Variants in NIPSNAP1 observed in about 807,000 individuals in gnomAD.
NIPSNAP1 encodes protein NipSnap homolog 1.
NIPSNAP1 carries 25 observed loss-of-function variants against 49.2 expected under a neutral mutation model. The ratio of observed to expected loss-of-function variants is 0.51; its 90% CI spans 0.37 to 0.71. NIPSNAP1 has a LOEUF of 0.71. Among genes scored for constraint, NIPSNAP1 ranks in the 30% least tolerant of loss-of-function variants. The pLI, the probability that NIPSNAP1 is intolerant of heterozygous loss-of-function variation, is 0.00. For missense variants in NIPSNAP1, 294 were observed against 361.0 expected (o/e 0.81, Z 1.50); for synonymous variants, 143 against 140.7 (o/e 1.02, Z -0.12).
Position 29,555,971 on chromosome 22 carries a change from C to G in NIPSNAP1, c.819G>C (p.Arg273Ser), listed in dbSNP as rs1261193383. The change falls in exon 10 of 10, where the codon AGG (arginine) becomes AGC (serine). Residue 273 changes from arginine (R) to serine (S), a missense_variant. Physicochemically the swap from Arg to Ser is moderately radical, Grantham distance 110 (BLOSUM62 -1). Coordinates refer to ENST00000216121, the MANE Select transcript of NIPSNAP1 (RefSeq NM_003634.4). ...TVPLVRHMES[R>S]IMIPLKISPL... ...GCGAGATCTTCAAGGGGATCATGATCCTAGACTCCATGTGTCGCACCAGGG... is the reference window on the plus strand; with the variant it reads ...GCGAGATCTTCAAGGGGATCATGATGCTAGACTCCATGTGTCGCACCAGGG... 11 of 1,551,634 alleles carry G rather than the reference C, an allele frequency of 7.1e-6. No individual in the cohort carries two copies. Among genetic ancestry groups the G allele is most frequent in the Admixed American group, 5.9e-5 (3 of 50,970 alleles).
chr22:29,575,722 T>A (rs1190391397), intron 1 of NIPSNAP1, among the ~76,000 whole-genome samples: 1 of 134,570 alleles, frequency 7.4e-6, no homozygotes, highest in African/African-American at 2.7e-5. Context: ...TTTTTTTTTT[T>A]TGTTTTGTTT....
chr22:29,575,046 C>T (rs751811847), intron 1 of NIPSNAP1, among the ~76,000 whole-genome samples: 23 of 152,174 alleles, frequency 1.5e-4, no homozygotes, highest in Non-Finnish European at 2.2e-4. Context: ...AAGAACCCAG[C>T]GCTCTTTCCT....
chr22:29,580,352 A>G, intron 1 of NIPSNAP1: 1 of 842,066 alleles, frequency 1.2e-6, no homozygotes, highest in African/African-American at 1.8e-5. Flanking sequence ...ACAAAAGCCC[A>G]GGCTGAGAGC....
At chr22:29,560,889 G>T in intron 7 of NIPSNAP1, 61 bp from the exon 8 acceptor site, 1 of 1,491,684 alleles carries the variant, frequency 6.7e-7, no homozygotes, top group Non-Finnish European at 9.3e-7. Context: ...TACTGAGGCT[G>T]ATTCCTTGGC....
intron 6 of NIPSNAP1, 85 bp downstream of exon 6, chr22:29,561,412 GCCAGAAGCC>G: frequency 6.4e-7 from 1 of 1,571,120 alleles, no homozygotes; most frequent in Non-Finnish European, 8.7e-7. Flanking sequence ...GGAGGGAGAA[GCCAGAAGCC>G]CCAGTCTAGG....
chr22:29,558,625 G>T lies in NIPSNAP1; in HGVS notation c.790+245C>A, dbSNP rs369786103. 3.3e-5 allele frequency among the ~76,000 whole-genome samples: 5 copies of T among 152,222 alleles called. 1 individual carries two copies. Among genetic ancestry groups the T allele is most frequent in the African/African-American group, 9.6e-5 (4 of 41,534 alleles). ...AACCGTGCCCAAGGTCACAATGGGC[G>T]TTTGCTAATCCACATCTCCTAGGCA... On this transcript the variant is annotated intron_variant, in intron 9 of 9. Transcript: ENST00000216121.
chr22:29,579,946 C>T (rs1180015134), intron 1 of NIPSNAP1: 6 of 570,000 alleles, frequency 1.1e-5, no homozygotes, highest in African/African-American at 1.9e-5. Flanking sequence ...TGCCACTCCT[C>T]TTTCCCAGCT....
At chr22:29,577,156 A>G (rs1203765691) in intron 1 of NIPSNAP1, among the ~76,000 whole-genome samples, 2 of 146,192 alleles carry the variant, frequency 1.4e-5, no homozygotes, top group East Asian at 4.1e-4. Context: ...TGACACAATC[A>G]TGGCTCACTG....
intron 1 of NIPSNAP1, among the ~76,000 whole-genome samples, chr22:29,575,234 G>C (rs1312761219): frequency 6.6e-6 from 1 of 152,166 alleles, no homozygotes; most frequent in Non-Finnish European, 1.5e-5. Context: ...CATCAGCACT[G>C]ACCAAGATAA....
chr22:29,560,601 C>T (rs2064328443), intron 8 of NIPSNAP1, 133 bp downstream of exon 8: 1 of 788,614 alleles, frequency 1.3e-6, no homozygotes, highest in South Asian at 1.4e-5. Context: ...CTTTTTGTGA[C>T]TTTACATCTA....
chr22:29,573,489 C>T (rs1301357174), intron 1 of NIPSNAP1, among the ~76,000 whole-genome samples: 1 of 152,106 alleles, frequency 6.6e-6, no homozygotes. Context: ...AAAAAAATTG[C>T]TGGGTACGGT....
At chr22:29,571,437 AT>A (rs1301054561) in intron 1 of NIPSNAP1, among the ~76,000 whole-genome samples, 6 of 152,220 alleles carry the variant, frequency 3.9e-5, no homozygotes, top group Non-Finnish European at 8.8e-5. Flanking sequence ...AATGAATATG[AT>A]TATGTGCTTT....
At chr22:29,572,217 T>G (rs1474522667) in intron 1 of NIPSNAP1, among the ~76,000 whole-genome samples, 3 of 146,926 alleles carry the variant, frequency 2.0e-5, no homozygotes, top group East Asian at 4.1e-4. Flanking sequence ...GCAGGAGAAT[T>G]GCTTGAACCT....
rs542128232 is a variant in NIPSNAP1 at position 29,564,040 on chromosome 22, G to A, written c.368-2178C>T. Among the ~76,000 whole-genome samples the A allele has an allele frequency of 3.3e-5, 5 of 152,298 alleles. No homozygotes were observed. In the East Asian group the frequency reaches 5.8e-4, roughly 18 times the overall value. ...CCCCAGGAAACTAATCTAATTCCTAGTAACAAAGAAACCTAATTAATTGTG... is the reference window on the plus strand; with the variant it reads ...CCCCAGGAAACTAATCTAATTCCTAATAACAAAGAAACCTAATTAATTGTG... On this transcript the variant is annotated intron_variant, in intron 4 of 9. Transcript: ENST00000216121.
intron 1 of NIPSNAP1, among the ~76,000 whole-genome samples, chr22:29,574,557 T>C (rs1346982852): frequency 1.3e-5 from 2 of 152,006 alleles, no homozygotes; most frequent in African/African-American, 4.8e-5. Flanking sequence ...GGCGGGCGGA[T>C]TGCCTGAGGT....
intron 1 of NIPSNAP1, among the ~76,000 whole-genome samples, chr22:29,573,455 T>G (rs1371651256): frequency 6.6e-6 from 1 of 152,002 alleles, no homozygotes; most frequent in Non-Finnish European, 1.5e-5. Flanking sequence ...CTCAGGAGTC[T>G]GAAGCCCTGT....
chr22:29,578,051 C>T (rs1422887820), intron 1 of NIPSNAP1, among the ~76,000 whole-genome samples: 1 of 150,788 alleles, frequency 6.6e-6, no homozygotes. Flanking sequence ...GGCGCACACA[C>T]CATGCCCAGC....
rs150544633 is a variant in NIPSNAP1, at chr22:29,579,151, C to A, written c.98+1834G>T. 7.4e-3 allele frequency among the ~76,000 whole-genome samples: 1,125 copies of A among 151,094 alleles called. 67 individuals are homozygous for A. The highest frequency in any genetic ancestry group is 0.026 in the African/African-American group (1,072 of 40,484). On this transcript the variant is annotated intron_variant, in intron 1 of 9. Coordinates refer to ENST00000216121, the MANE Select transcript of NIPSNAP1 (RefSeq NM_003634.4). ...GCAGTAGCGTGATCTCGGCTCACTG[C>A]AACCTCTGTCTCCCGGGTTCAATTG...
intron 1 of NIPSNAP1, 142 bp from the exon 2 acceptor site, chr22:29,570,674 T>G: frequency 8.9e-7 from 1 of 1,126,354 alleles, no homozygotes; most frequent in Non-Finnish European, 1.3e-6. Flanking sequence ...AGCTCCAGAC[T>G]GTGAAATGCT....
Sources: gnomAD v4.1 joint callset for allele counts (sites outside exome capture counted in the v4.1 genomes callset) on GRCh38, gnomAD v4.1.1 for gene constraint, MANE v1.5 for transcripts, NCBI Gene and HGNC (gene_info 2026-07-23, HGNC 2026-07-21) for gene names.